SVIL: variants seen among roughly 807,000 people sequenced by gnomAD.
The protein encoded by SVIL is supervillin, also known as archvillin.
SVIL carries 101 observed loss-of-function variants against 240.4 expected under a neutral mutation model. The observed-to-expected ratio is 0.42, with a 90% CI of 0.36 to 0.50. SVIL has a LOEUF of 0.50. Ranked by LOEUF, SVIL falls within the 20% of genes least tolerant of loss-of-function variation. SVIL has a pLI of 0.01. For synonymous variants in SVIL, 999 were observed against 1,100.0 expected (o/e 0.91, Z 1.82); for missense variants, 2,512 against 2,818.7 (o/e 0.89, Z 2.46).
intron 2 of SVIL, among the ~76,000 whole-genome samples, chr10:29,666,115 A>G (rs1290206404): frequency 6.6e-6 from 1 of 152,134 alleles, no homozygotes; most frequent in African/African-American, 2.4e-5. Flanking sequence ...ACAGGGTTTC[A>G]CTATGTGGCC....
intron 1 of SVIL, among the ~76,000 whole-genome samples, chr10:29,588,560 AT>A (rs1956262462): frequency 6.6e-6 from 1 of 152,334 alleles, no homozygotes; most frequent in Middle Eastern, 3.4e-3. Flanking sequence ...ATAGCGATTG[AT>A]TTTTAATTTA....
chr10:29,692,385 C>G (rs1416794529), intron 1 of SVIL, among the ~76,000 whole-genome samples: 1 of 152,134 alleles, frequency 6.6e-6, no homozygotes, highest in Non-Finnish European at 1.5e-5. Flanking sequence ...CATTCAGCCA[C>G]TTCCTAACTT....
intron 9 of SVIL, 39 bp from the exon 10 acceptor site, chr10:29,531,327 A>AATTATT: frequency 3.2e-6 from 5 of 1,571,470 alleles, no homozygotes; most frequent in Non-Finnish European, 4.4e-6. Flanking sequence ...ATACATTAGC[A>AATTATT]GGTGGGAGCA....
In SVIL at chr10:29,532,273, A is replaced by G. The variant is rs1237351065; in HGVS notation, c.1839-101T>C. On this transcript the variant is annotated intron_variant, in intron 8 of 37. Coordinates refer to ENST00000355867, the MANE Select transcript of SVIL (RefSeq NM_021738.3). ...CATCTCCGTGAGTCAAGGGACAGAC[A>G]CCACCAAACCCCTCTTCATGCCTCT... is the stretch of plus-strand genomic sequence containing the variant. 18 of 1,383,078 alleles carry G rather than the reference A, an allele frequency of 1.3e-5. 1 individual carries two copies. The East Asian group carries it at 4.3e-4, about 33-fold the overall frequency. 85.7% of individuals were successfully genotyped at this position (1,383,078 alleles called of 1,614,324 possible).
At chr10:29,614,242 TA>T (rs1335407696) in intron 1 of SVIL, among the ~76,000 whole-genome samples, 4 of 152,032 alleles carry the variant, frequency 2.6e-5, no homozygotes, top group African/African-American at 4.8e-5. Context: ...ACATTTTAGT[TA>T]AAAAAAATAT....
At chr10:29,524,817 G>GCCTTT (rs1950790092) in intron 13 of SVIL, 102 bp from the exon 14 acceptor site, 1 of 1,549,568 alleles carries the variant, frequency 6.5e-7, no homozygotes, top group Non-Finnish European at 8.7e-7. Flanking sequence ...ATTTTGCAAA[G>GCCTTT]GGCTTCTTTT....
At chr10:29,582,368 G>A (rs945775252) in intron 1 of SVIL, among the ~76,000 whole-genome samples, 21 of 152,150 alleles carry the variant, frequency 1.4e-4, no homozygotes, top group African/African-American at 4.1e-4. Context: ...GCCAGGAGAC[G>A]CCAAGGACGA....
Position 29,587,359 on chromosome 10 carries a change from G to GCCT in SVIL, c.-200-18050_-200-18048dup, listed in dbSNP as rs142548007. Among the ~76,000 whole-genome samples the GCCT allele has an allele frequency of 7.1e-3, 1,080 of 152,354 alleles. 15 individuals are homozygous for GCCT. The highest frequency in any genetic ancestry group is 0.024 in the African/African-American group (1,016 of 41,586). On this transcript the variant is annotated intron_variant, in intron 1 of 37. Transcript: ENST00000355867. The stretch of plus-strand genomic sequence containing the variant: ...TCTGCCAGCCAGTCCCCAGCCACCA[G>GCCT]CCTCCGCAGTCTGCCTAATAAGGCA...
At position 29,560,083 on chromosome 10, in the gene SVIL, C is replaced by T. The variant is rs147934701; in HGVS notation, c.-51+3118G>A. ...GGGTACTGCCAAGAACACTTCTCTC[C>T]TTCACACGACAGCTCAAGAGCCCAG... is the stretch of plus-strand genomic sequence containing the variant. On this transcript the variant is annotated intron_variant, in intron 3 of 37. Coordinates refer to ENST00000355867, the MANE Select transcript of SVIL (RefSeq NM_021738.3). 8.8e-3 allele frequency among the ~76,000 whole-genome samples: 1,347 copies of T among 152,324 alleles called. 22 individuals carry two copies. Among genetic ancestry groups the T allele is most frequent in the African/African-American group, 0.031 (1,269 of 41,574 alleles).
At chr10:29,682,607 T>C (rs866168064) in intron 2 of SVIL, among the ~76,000 whole-genome samples, 20 of 152,160 alleles carry the variant, frequency 1.3e-4, no homozygotes, top group African/African-American at 3.1e-4. Context: ...CAATGAAACA[T>C]GCAAAGGACA....
intron 1 of SVIL, among the ~76,000 whole-genome samples, chr10:29,731,807 CTTGT>C (rs2132721071): frequency 6.6e-6 from 1 of 152,306 alleles, no homozygotes; most frequent in African/African-American, 2.4e-5. Flanking sequence ...TTTTACCTTC[CTTGT>C]TTACTGAACA....
At chr10:29,634,076 C>T (rs999415287) in intron 1 of SVIL, among the ~76,000 whole-genome samples, 7 of 151,978 alleles carry the variant, frequency 4.6e-5, no homozygotes, top group Non-Finnish European at 8.8e-5. Flanking sequence ...AAGTACGTTG[C>T]ATTGTGAATA....
At chr10:29,671,592 C>T (rs373930189) in intron 2 of SVIL, among the ~76,000 whole-genome samples, 1 of 152,220 alleles carries the variant, frequency 6.6e-6, no homozygotes, top group South Asian at 2.1e-4. Context: ...CACATATCCC[C>T]TTCCTTGCTA....
At chr10:29,516,480 C>T (rs58984887) in intron 16 of SVIL, among the ~76,000 whole-genome samples, 1,878 of 152,330 alleles carry the variant, frequency 0.012, 28 homozygotes, top group South Asian at 0.046. Flanking sequence ...CCAAATGTGT[C>T]CCTTCCTCCT....
intron 1 of SVIL, among the ~76,000 whole-genome samples, chr10:29,690,832 T>A (rs1484000991): frequency 6.6e-6 from 1 of 152,234 alleles, no homozygotes; most frequent in Non-Finnish European, 1.5e-5. Flanking sequence ...ATTAGTTCCA[T>A]CATCTGCAAT....
At chr10:29,562,772 A>G (rs1362085745) in intron 3 of SVIL, among the ~76,000 whole-genome samples, 4 of 125,052 alleles carry the variant, frequency 3.2e-5, no homozygotes, top group South Asian at 2.7e-4. Context: ...AAAAAAAGAA[A>G]AAAAAAAAAA....
At chr10:29,579,155 G>A (rs1480402724) in intron 1 of SVIL, among the ~76,000 whole-genome samples, 1 of 152,030 alleles carries the variant, frequency 6.6e-6, no homozygotes, top group East Asian at 1.9e-4. Context: ...CGGGGACAAT[G>A]GGCCAGGCAC....
intron 1 of SVIL, among the ~76,000 whole-genome samples, chr10:29,717,232 C>CAAAAAAAAA (rs71023503): frequency 2.3e-4 from 9 of 38,326 alleles, no homozygotes; most frequent in Admixed American, 5.1e-4. Context: ...GACTCTCTCT[C>CAAAAAAAAA]AAAAAAAAAA....
intron 16 of SVIL, among the ~76,000 whole-genome samples, chr10:29,514,550 A>C (rs202089032): frequency 1.3e-5 from 2 of 152,134 alleles, no homozygotes; most frequent in East Asian, 3.8e-4. Context: ...CTAATTTTTA[A>C]AATTTTTATT....
Sources: gnomAD v4.1 joint callset for allele counts (sites outside exome capture counted in the v4.1 genomes callset) on GRCh38, gnomAD v4.1.1 for gene constraint, MANE v1.5 for transcripts, NCBI Gene and HGNC (gene_info 2026-07-23, HGNC 2026-07-21) for gene names.